YTHDC1: variants seen among roughly 807,000 people sequenced by gnomAD.
YTHDC1 encodes YTH N6-methyladenosine RNA binding protein C1, also known as YTH domain-containing protein 1.
YTHDC1 carries 12 observed loss-of-function variants against 107.0 expected under a neutral mutation model. The observed-to-expected ratio is 0.11, with a 90% CI of 0.07 to 0.18. The LOEUF (loss-of-function observed/expected upper bound fraction) is 0.18, where lower values mean the gene tolerates loss of function less well. Among genes scored for constraint, YTHDC1 ranks in the 10% least tolerant of loss-of-function variants. YTHDC1 has a pLI of 1.00. For synonymous variants in YTHDC1, 280 were observed against 289.5 expected (o/e 0.97, Z 0.33); for missense variants, 635 against 898.8 (o/e 0.71, Z 3.75).
At chr4:68,332,667 T>C (rs905515999) in intron 6 of YTHDC1, 127 bp downstream of exon 6, 5 of 759,974 alleles carry the variant, frequency 6.6e-6, no homozygotes, top group African/African-American at 1.8e-5. Flanking sequence ...TGTTAAGATA[T>C]TATTTTTTGC....
rs139215534 is a variant in YTHDC1 at position 68,320,211 on chromosome 4, C to T, written c.1602-6G>A. 1.3e-6 allele frequency: 2 copies of T among 1,592,842 alleles called. No individual in the cohort carries two copies. Among genetic ancestry groups the T allele is most frequent in the Admixed American group, 1.8e-5 (1 of 54,504 alleles). ...CATAATCTTCTGGTCGACGCCTACACAAATTAGACACATTAGAAATTAAAC... is the reference window on the plus strand; with the variant it reads ...CATAATCTTCTGGTCGACGCCTACATAAATTAGACACATTAGAAATTAAAC... On this transcript the variant is annotated splice_region_variant and splice_polypyrimidine_tract_variant and intron_variant, in intron 11 of 16. Transcript: ENST00000344157.
At chr4:68,328,327 C>T (rs908971221) in intron 9 of YTHDC1, among the ~76,000 whole-genome samples, 2 of 152,114 alleles carry the variant, frequency 1.3e-5, no homozygotes, top group African/African-American at 2.4e-5. Context: ...CACATACACA[C>T]ACAAAATAAA....
chr4:68,316,590 A>G, intron 15 of YTHDC1, 142 bp from the exon 16 acceptor site: 23 of 976,506 alleles, frequency 2.4e-5, no homozygotes, highest in Non-Finnish European at 3.3e-5. Context: ...AAGGTGTTTC[A>G]AAATATGCTT....
In YTHDC1 at chr4:68,314,247, C is replaced by G; in HGVS notation, c.2036G>C (p.Arg679Pro). ...TCGCTCTCGTTCCCGGTCTCTTTCA[C>G]GGGGTCTACTTCTCCGGCCACTGAC... ...AVVSGRRSRPRERDRERERDR... is the reference protein window; with the variant it reads ...AVVSGRRSRPPERDRERERDR... The change falls in exon 17 of 17, where the codon CGT (arginine) becomes CCT (proline). Residue 679 changes from arginine (R) to proline (P), a missense_variant. Physicochemically the swap from Arg to Pro is moderately radical, Grantham distance 103. Transcript: ENST00000344157. 1 of 1,613,990 alleles carries G rather than the reference C, an allele frequency of 6.2e-7. No homozygotes were observed. Among genetic ancestry groups the G allele is most frequent in the Non-Finnish European group, 8.5e-7 (1 of 1,179,990 alleles).
At chr4:68,328,949 G>T (rs1723279796) in intron 9 of YTHDC1, among the ~76,000 whole-genome samples, 1 of 152,152 alleles carries the variant, frequency 6.6e-6, no homozygotes, top group Admixed American at 6.5e-5. Context: ...CATAGAAAAG[G>T]TATAGTAAAA....
rs762103656 is a variant in YTHDC1 at position 68,314,258 on chromosome 4, T to A, written c.2025A>T (p.Arg675Ser). 9 of 1,613,892 alleles carry A rather than the reference T, an allele frequency of 5.6e-6. No individual in the cohort carries two copies. The Admixed American group carries it at 1.0e-4, about 18-fold the overall frequency. ...CCCGGTCTCTTTCACGGGGTCTACT[T>A]CTCCGGCCACTGACAACAGCTTGTG... ...RRTQAVVSGR[R>S]SRPRERDRER... The change falls in exon 17 of 17, where the codon AGA (arginine) becomes AGT (serine). Residue 675 changes from arginine to serine, a missense_variant. Physicochemically the swap from Arg to Ser is moderately radical, Grantham distance 110. Around this residue, in one of 5 missense-constraint regions of YTHDC1, gnomAD observed 256 missense variants for 372.9 expected, o/e 0.69. Coordinates refer to ENST00000344157, the MANE Select transcript of YTHDC1 (RefSeq NM_001031732.4).
At chr4:68,325,456 T>C (rs142644803) in intron 9 of YTHDC1, among the ~76,000 whole-genome samples, 317 of 152,246 alleles carry the variant, frequency 2.1e-3, no homozygotes, top group African/African-American at 7.1e-3. Context: ...ACAGGCATAA[T>C]GGAAAAGGGA....
Position 68,330,123 on chromosome 4 carries a change from A to C in YTHDC1, c.1232-4T>G. 6.2e-7 allele frequency: 1 copy of C among 1,607,926 alleles called. No individual in the cohort carries two copies. The highest frequency in any genetic ancestry group is 8.5e-7 in the Non-Finnish European group (1 of 1,175,086). ...TCTGAAGAAAGTCTTGCAAACCCTA[A>C]GAGAATCATATCATAATATAATATG... On this transcript the variant is annotated splice_polypyrimidine_tract_variant and splice_region_variant and intron_variant, in intron 8 of 16. Transcript: ENST00000344157.
intron 5 of YTHDC1, 84 bp from the exon 6 acceptor site, chr4:68,332,931 C>T (rs985497189): frequency 2.5e-6 from 3 of 1,203,022 alleles, no homozygotes; most frequent in Non-Finnish European, 3.6e-6. Flanking sequence ...ACATAAAATT[C>T]TCATTCAAGA....
At chr4:68,344,719 T>C (rs1725228397) in intron 1 of YTHDC1, among the ~76,000 whole-genome samples, 1 of 152,162 alleles carries the variant, frequency 6.6e-6, no homozygotes, top group Non-Finnish European at 1.5e-5. Flanking sequence ...ATTCCCAGGA[T>C]ACAGGAAGTA....
chr4:68,330,135 C>T lies in YTHDC1; in HGVS notation c.1232-16G>A. The T allele has an allele frequency of 6.3e-7, 1 of 1,592,938 alleles. No individual in the cohort carries two copies. The highest frequency in any genetic ancestry group is 8.6e-7 in the Non-Finnish European group (1 of 1,162,372). On this transcript the variant is annotated splice_polypyrimidine_tract_variant and intron_variant, in intron 8 of 16. Coordinates refer to ENST00000344157, the MANE Select transcript of YTHDC1 (RefSeq NM_001031732.4). The stretch of plus-strand genomic sequence containing the variant: ...CTTGCAAACCCTAAGAGAATCATAT[C>T]ATAATATAATATGTAGATGCTAATA...
chr4:68,338,740 C>T (rs912502676), intron 1 of YTHDC1, among the ~76,000 whole-genome samples: 2 of 152,168 alleles, frequency 1.3e-5, no homozygotes, highest in Non-Finnish European at 2.9e-5. Flanking sequence ...ACCCCAGCTA[C>T]TCAGAAGGCT....
In YTHDC1 at chr4:68,311,433, G is replaced by C. The variant is rs756674403; in HGVS notation, c.*2666C>G. 2.6e-5 allele frequency: 4 copies of C among 152,176 alleles called. No homozygotes were observed. Among genetic ancestry groups the C allele is most frequent in the Non-Finnish European group, 5.9e-5 (4 of 68,034 alleles). The allele number at this position is 152,176 out of a possible 1,614,324, so 9.4% of individuals were successfully genotyped here. Reference sequence around the variant, plus strand: ...CCGGATTTCTAAACTCGGAATGACTGAATTTTCTGTTTTTCATCTGAACAC... The same window carrying C: ...CCGGATTTCTAAACTCGGAATGACTCAATTTTCTGTTTTTCATCTGAACAC... On this transcript the variant is annotated 3_prime_UTR_variant, in exon 17 of 17. Transcript: ENST00000344157.
chr4:68,314,172 T>C lies in YTHDC1; in HGVS notation c.2111A>G (p.Asp704Gly), dbSNP rs1282897214. The change falls in exon 17 of 17, where the codon GAT (aspartate) becomes GGT (glycine). Residue 704 changes from aspartate (D) to glycine (G), a missense_variant. Physicochemically the swap from Asp to Gly is moderately conservative, Grantham distance 94. Around this residue, in one of 5 missense-constraint regions of YTHDC1, gnomAD observed 256 missense variants for 372.9 expected, o/e 0.69. Coordinates refer to ENST00000344157, the MANE Select transcript of YTHDC1 (RefSeq NM_001031732.4). ...TAATCGCTCTCTTTCTCTTTCTCTA[T>C]CACGTCCTCTATCTCGCTCTCTGTC... ...RRDRERDRGR[D>G]RERERERLCD... is the part of the protein sequence containing the mutation. The C allele has an allele frequency of 6.2e-7, 1 of 1,613,660 alleles. No individual in the cohort carries two copies. Among genetic ancestry groups the C allele is most frequent in the Non-Finnish European group, 8.5e-7 (1 of 1,179,854 alleles).
At chr4:68,348,495 C>A (rs907277952) in intron 1 of YTHDC1, among the ~76,000 whole-genome samples, 37 of 147,206 alleles carry the variant, frequency 2.5e-4, no homozygotes, top group African/African-American at 7.9e-4. Context: ...AAAAAAAAGG[C>A]CCAGGGAGAT....
intron 9 of YTHDC1, 60 bp from the exon 10 acceptor site, chr4:68,324,283 A>AC: frequency 7.0e-7 from 1 of 1,435,072 alleles, no homozygotes; most frequent in Non-Finnish European, 9.7e-7. Context: ...ACCTTATACT[A>AC]CTTTTAGTAG....
rs1314419577 is a variant in YTHDC1, at chr4:68,313,485, A to AT, written c.*613dup. 1 of 152,950 alleles carries AT rather than the reference A, an allele frequency of 6.5e-6. No homozygotes were observed. Among genetic ancestry groups the AT allele is most frequent in the Non-Finnish European group, 1.5e-5 (1 of 68,338 alleles). The allele number at this position is 152,950 out of a possible 1,614,324, so 9.5% of individuals were successfully genotyped here. ...ATCAACCACGCTACTGAACATAGGA[A>AT]TTTTTCATTTAAAAAGATTAAAAAT... On this transcript the variant is annotated 3_prime_UTR_variant, in exon 17 of 17. Transcript: ENST00000344157.
intron 15 of YTHDC1, 103 bp downstream of exon 15, chr4:68,318,416 T>C: frequency 8.3e-7 from 1 of 1,205,936 alleles, no homozygotes; most frequent in South Asian, 1.6e-5. Context: ...CCAGTTTAAG[T>C]CTCTTTAATG....
intron 1 of YTHDC1, among the ~76,000 whole-genome samples, chr4:68,342,014 T>C (rs568094984): frequency 1.8e-4 from 27 of 152,342 alleles, no homozygotes; most frequent in African/African-American, 6.5e-4. Context: ...GACTGGGCTA[T>C]GTGATATATA....
Sources: gnomAD v4.1 joint callset for allele counts (sites outside exome capture counted in the v4.1 genomes callset) on GRCh38, gnomAD v4.1.1 for gene constraint, gnomAD v4.1.1 regional missense constraint, MANE v1.5 for transcripts, NCBI Gene and HGNC (gene_info 2026-07-23, HGNC 2026-07-21) for gene names.